The following ABTB3 variants were observed in gnomAD, a reference collection of about 807,000 sequenced individuals.
ABTB3 encodes the protein ankyrin repeat- and BTB/POZ domain-containing protein 3.
chr12:107,385,985 G>A, the ABTB3 span, among the ~76,000 whole-genome samples: 21 of 152,038 alleles, frequency 1.4e-4, no homozygotes, highest in East Asian at 4.1e-3. Flanking sequence ...GAGAAGTCTG[G>A]TTTCTGGTCC....
At chr12:107,443,758 G>C in the ABTB3 span, among the ~76,000 whole-genome samples, 1 of 152,216 alleles carries the variant, frequency 6.6e-6, no homozygotes. Flanking sequence ...ATAGGTCTGA[G>C]AGGAGGTGGT....
the ABTB3 span, among the ~76,000 whole-genome samples, chr12:107,616,516 G>A: frequency 3.3e-5 from 5 of 152,242 alleles, no homozygotes; most frequent in Admixed American, 2.6e-4. Context: ...CAAAACTTCT[G>A]GAAGCTCACT....
chr12:107,343,776 G>A, the ABTB3 span, among the ~76,000 whole-genome samples: 2 of 152,312 alleles, frequency 1.3e-5, no homozygotes, highest in South Asian at 4.2e-4. Flanking sequence ...GGGGAAGCAG[G>A]CACCGTCTTC....
At chr12:107,636,048 G>A in the ABTB3 span, among the ~76,000 whole-genome samples, 6 of 152,102 alleles carry the variant, frequency 3.9e-5, no homozygotes, top group African/African-American at 1.4e-4. Flanking sequence ...TCATCTTCAG[G>A]CCACCCCAAG....
the ABTB3 span, among the ~76,000 whole-genome samples, chr12:107,449,426 C>T: frequency 6.6e-6 from 1 of 151,684 alleles, no homozygotes; most frequent in African/African-American, 2.4e-5. Context: ...GCTCTTGCTT[C>T]TCCTTTCACT....
chr12:107,438,811 T>A, the ABTB3 span, among the ~76,000 whole-genome samples: 1 of 152,076 alleles, frequency 6.6e-6, no homozygotes, highest in Non-Finnish European at 1.5e-5. Flanking sequence ...GAAAAAAAAA[T>A]TCTAGTTTCA....
At chr12:107,610,425 C>T in the ABTB3 span, 5 of 1,571,924 alleles carry the variant, frequency 3.2e-6, no homozygotes, top group Non-Finnish European at 4.4e-6. Flanking sequence ...AAGACAGAGA[C>T]AGCCGGTGAA....
the ABTB3 span, among the ~76,000 whole-genome samples, chr12:107,370,035 A>G: frequency 6.6e-6 from 1 of 152,196 alleles, no homozygotes; most frequent in Non-Finnish European, 1.5e-5. Context: ...TCGCCTAGGA[A>G]TTCTGTAAGA....
At chr12:107,439,456 T>C in the ABTB3 span, among the ~76,000 whole-genome samples, 3 of 152,274 alleles carry the variant, frequency 2.0e-5, no homozygotes, top group African/African-American at 7.2e-5. Flanking sequence ...TCCCTTATAG[T>C]GAGCCTGTGT....
chr12:107,615,132 T>C, the ABTB3 span: 1 of 1,613,932 alleles, frequency 6.2e-7, no homozygotes, highest in Non-Finnish European at 8.5e-7. Flanking sequence ...TGACTTTTGC[T>C]GTGTTGCATG....
chr12:107,651,119 G>A, the ABTB3 span, among the ~76,000 whole-genome samples: 4 of 151,694 alleles, frequency 2.6e-5, no homozygotes, highest in Non-Finnish European at 5.9e-5. Context: ...CTCCGAGGCC[G>A]GCACCGTGCT....
At chr12:107,415,695 G>A in the ABTB3 span, among the ~76,000 whole-genome samples, 2 of 150,244 alleles carry the variant, frequency 1.3e-5, no homozygotes, top group African/African-American at 4.9e-5. Context: ...GTGACAGAGC[G>A]AGACTCTGTC....
the ABTB3 span, among the ~76,000 whole-genome samples, chr12:107,532,005 G>A: frequency 6.6e-6 from 1 of 152,148 alleles, no homozygotes; most frequent in African/African-American, 2.4e-5. Context: ...CTGCCTCCAG[G>A]ACATAGGAAG....
chr12:107,486,116 T>A, the ABTB3 span, among the ~76,000 whole-genome samples: 1 of 152,182 alleles, frequency 6.6e-6, no homozygotes, highest in Non-Finnish European at 1.5e-5. Context: ...AGCTGAGGAC[T>A]AGTGGGAGGT....
chr12:107,367,150 C>T, the ABTB3 span, among the ~76,000 whole-genome samples: 2 of 152,178 alleles, frequency 1.3e-5, no homozygotes, highest in Non-Finnish European at 2.9e-5. Flanking sequence ...AAGGTGCCTT[C>T]CCCGGATCAC....
chr12:107,466,085 G>A, the ABTB3 span, among the ~76,000 whole-genome samples: 1 of 152,144 alleles, frequency 6.6e-6, no homozygotes, highest in Non-Finnish European at 1.5e-5. Context: ...TTTACCTGCT[G>A]CCTTTAATAT....
the ABTB3 span, among the ~76,000 whole-genome samples, chr12:107,487,906 G>A: frequency 1.3e-5 from 2 of 151,892 alleles, no homozygotes; most frequent in Non-Finnish European, 2.9e-5. Flanking sequence ...TGACATGACA[G>A]TGTTCAGAGG....
the ABTB3 span, among the ~76,000 whole-genome samples, chr12:107,528,226 T>C: frequency 6.6e-6 from 1 of 152,128 alleles, no homozygotes; most frequent in African/African-American, 2.4e-5. Flanking sequence ...TAGAGTAGCA[T>C]TTCCCCAAGG....
chr12:107,459,691 C>T, the ABTB3 span, among the ~76,000 whole-genome samples: 1 of 152,226 alleles, frequency 6.6e-6, no homozygotes, highest in Admixed American at 6.5e-5. Flanking sequence ...GGCCAGTTAT[C>T]AGACCCTAGC....
Sources: gnomAD v4.1 joint callset for allele counts (sites outside exome capture counted in the v4.1 genomes callset) on GRCh38, gnomAD v4.1.1 for gene constraint, MANE v1.5 for transcripts, NCBI Gene and HGNC (gene_info 2026-07-23, HGNC 2026-07-21) for gene names.